The following QTMAN variants were observed in gnomAD, a reference collection of about 807,000 sequenced individuals.
QTMAN encodes the protein tRNA-queuosine alpha-mannosyltransferase.
At chr2:144,152,865 A>C in the QTMAN span, among the ~76,000 whole-genome samples, 3 of 152,240 alleles carry the variant, frequency 2.0e-5, no homozygotes, top group Non-Finnish European at 2.9e-5. Context: ...AAAAAAGATA[A>C]GTAACTGCTC....
At chr2:144,128,760 A>G in the QTMAN span, among the ~76,000 whole-genome samples, 1 of 152,034 alleles carries the variant, frequency 6.6e-6, no homozygotes, top group African/African-American at 2.4e-5. Context: ...CCAGTTCTGA[A>G]AAGTTCTAAT....
the QTMAN span, among the ~76,000 whole-genome samples, chr2:144,219,636 C>T: frequency 6.6e-6 from 1 of 152,082 alleles, no homozygotes; most frequent in Non-Finnish European, 1.5e-5. Context: ...GCCTGGGCAA[C>T]ATAGCAAAAC....
At chr2:144,091,734 A>ATT in the QTMAN span, among the ~76,000 whole-genome samples, 1 of 152,206 alleles carries the variant, frequency 6.6e-6, no homozygotes, top group Non-Finnish European at 1.5e-5. Context: ...CTTGCATGCA[A>ATT]ATGTTCACAG....
the QTMAN span, among the ~76,000 whole-genome samples, chr2:144,009,249 A>G: frequency 4.6e-5 from 7 of 152,124 alleles, no homozygotes; most frequent in South Asian, 1.5e-3. Flanking sequence ...TGTAGAATCT[A>G]AGGAGTTGCC....
chr2:143,991,746 C>A, the QTMAN span, among the ~76,000 whole-genome samples: 4 of 148,638 alleles, frequency 2.7e-5, no homozygotes, highest in Non-Finnish European at 4.5e-5. Flanking sequence ...GGGGGGTCAG[C>A]CCCCCGCCCC....
At chr2:144,123,615 G>A in the QTMAN span, among the ~76,000 whole-genome samples, 186 of 152,074 alleles carry the variant, frequency 1.2e-3, 1 homozygote, top group East Asian at 0.021. Context: ...GTTTTAAGTC[G>A]GACAACTAAT....
the QTMAN span, among the ~76,000 whole-genome samples, chr2:144,278,176 T>A: frequency 6.6e-6 from 1 of 152,112 alleles, no homozygotes; most frequent in Non-Finnish European, 1.5e-5. Flanking sequence ...AGCTGAAAAG[T>A]GTGGTTCTAG....
chr2:144,031,300 C>T, the QTMAN span, among the ~76,000 whole-genome samples: 1 of 151,646 alleles, frequency 6.6e-6, no homozygotes, highest in African/African-American at 2.4e-5. Flanking sequence ...GACAGGATAC[C>T]CTTTGGTACT....
chr2:143,947,942 G>A, the QTMAN span, among the ~76,000 whole-genome samples: 2 of 152,170 alleles, frequency 1.3e-5, no homozygotes, highest in South Asian at 4.1e-4. Flanking sequence ...GAGAAAGAGT[G>A]AGAGACTGAG....
chr2:144,006,435 A>G, the QTMAN span: 1 of 152,050 alleles, frequency 6.6e-6, no homozygotes, highest in Non-Finnish European at 1.5e-5. Flanking sequence ...AAGAGACCAT[A>G]ATCTGTGGGG....
chr2:144,081,623 C>T, the QTMAN span, among the ~76,000 whole-genome samples: 6 of 151,328 alleles, frequency 4.0e-5, no homozygotes, highest in Non-Finnish European at 8.8e-5. Context: ...AAGGGAAGGA[C>T]GAAGTGGGGA....
chr2:144,277,987 G>C, the QTMAN span, among the ~76,000 whole-genome samples: 1 of 152,154 alleles, frequency 6.6e-6, no homozygotes, highest in Admixed American at 6.5e-5. Flanking sequence ...GCCAAAGGGA[G>C]AAAGAAAACA....
chr2:144,004,998 C>A, the QTMAN span, among the ~76,000 whole-genome samples: 1 of 151,982 alleles, frequency 6.6e-6, no homozygotes, highest in Non-Finnish European at 1.5e-5. Context: ...TATGGGCACA[C>A]AATAGTATTA....
At chr2:144,112,399 C>T in the QTMAN span, among the ~76,000 whole-genome samples, 3 of 152,168 alleles carry the variant, frequency 2.0e-5, no homozygotes, top group African/African-American at 7.2e-5. Context: ...AGGAATGATA[C>T]AGTAATTAGT....
chr2:144,076,136 A>G, the QTMAN span, among the ~76,000 whole-genome samples: 8 of 152,294 alleles, frequency 5.3e-5, no homozygotes, highest in East Asian at 3.9e-4. Context: ...AGTCCCAGCT[A>G]CTTGGGAGGC....
the QTMAN span, among the ~76,000 whole-genome samples, chr2:144,207,702 T>C: frequency 6.6e-6 from 1 of 152,122 alleles, no homozygotes; most frequent in Non-Finnish European, 1.5e-5. Context: ...ATCAGGAGAA[T>C]ACACAGGAAT....
At chr2:144,073,340 G>A in the QTMAN span, among the ~76,000 whole-genome samples, 3 of 151,776 alleles carry the variant, frequency 2.0e-5, no homozygotes, top group South Asian at 6.3e-4. Flanking sequence ...GATTTGGCAA[G>A]CAATCTGTTT....
the QTMAN span, among the ~76,000 whole-genome samples, chr2:144,106,154 C>A: frequency 6.6e-6 from 1 of 152,102 alleles, no homozygotes; most frequent in Non-Finnish European, 1.5e-5. Context: ...CAAAAACATG[C>A]CAAATTGTAA....
the QTMAN span, among the ~76,000 whole-genome samples, chr2:144,314,539 C>T: frequency 6.6e-6 from 1 of 152,028 alleles, no homozygotes; most frequent in Non-Finnish European, 1.5e-5. Flanking sequence ...AGTGAAACTC[C>T]GTCTCTACTA....
Sources: allele counts gnomAD v4.1 joint callset (sites outside exome capture counted in the v4.1 genomes callset), GRCh38; gene constraint gnomAD v4.1.1; transcripts MANE v1.5; gene names NCBI Gene and HGNC (gene_info 2026-07-23, HGNC 2026-07-21).